The following MTSS1 variants were observed in gnomAD, a reference collection of about 807,000 sequenced individuals.
MTSS1 encodes the protein MTSS I-BAR domain containing 1, also known as protein MTSS 1.
Under a neutral mutation model 79.0 loss-of-function variants are expected in MTSS1, and 18 were observed. The ratio of observed to expected loss-of-function variants is 0.23; its 90% CI spans 0.16 to 0.34. MTSS1 has a LOEUF of 0.34. MTSS1 is among the 10% of genes least tolerant of loss of function. MTSS1 has a pLI of 1.00. For synonymous variants in MTSS1, 341 were observed against 368.6 expected, an observed-to-expected ratio of 0.93 and a Z score of 0.86; for missense variants, 815 against 986.2, an observed-to-expected ratio of 0.83 and a Z score of 2.33.
intron 3 of MTSS1, among the ~76,000 whole-genome samples, chr8:124,686,879 TG>T (rs1827073703): frequency 6.6e-6 from 1 of 152,198 alleles, no homozygotes; most frequent in African/African-American, 2.4e-5. Context: ...CAGAAACTTA[TG>T]TCTGGCACAC....
chr8:124,685,397 A>G lies in MTSS1; in HGVS notation c.208+14129T>C, dbSNP rs527931329. Among the ~76,000 whole-genome samples, 4 of 152,362 alleles carry G rather than the reference A, an allele frequency of 2.6e-5. No homozygotes were observed. In the South Asian group the frequency reaches 8.3e-4, roughly 32 times the overall value. On this transcript the variant is annotated intron_variant, in intron 3 of 13. Coordinates refer to ENST00000518547, the MANE Select transcript of MTSS1 (RefSeq NM_014751.6). Reference sequence around the variant, plus strand: ...TGTAATCCCAGCACTTTGGGAGGCCAAGGTGGGAGAATCTCCAGACCAGGG... The same window carrying G: ...TGTAATCCCAGCACTTTGGGAGGCCGAGGTGGGAGAATCTCCAGACCAGGG...
intron 3 of MTSS1, among the ~76,000 whole-genome samples, chr8:124,598,028 TCTGGAAGGCTGAGGCAGG>T (rs1833068177): frequency 6.6e-6 from 1 of 152,128 alleles, no homozygotes; most frequent in Admixed American, 6.5e-5. Flanking sequence ...ATCCCAACAC[TCTGGAAGGCTGAGGCAGG>T]AGGATCACTT....
intron 1 of MTSS1, 85 bp from the exon 2 acceptor site, chr8:124,704,276 C>G (rs1191592607): frequency 1.7e-6 from 2 of 1,170,162 alleles, no homozygotes; most frequent in Non-Finnish European, 1.3e-6. Flanking sequence ...TCCAATCATG[C>G]AGGGAACAAT....
At chr8:124,555,590 A>G in intron 13 of MTSS1, 152 bp downstream of exon 13, 5 of 1,001,634 alleles carry the variant, frequency 5.0e-6, no homozygotes, top group Middle Eastern at 6.5e-4. Context: ...ACTACAGATG[A>G]GCTCCCCAAA....
chr8:124,629,257 G>A (rs574538237), intron 3 of MTSS1, among the ~76,000 whole-genome samples: 1 of 152,094 alleles, frequency 6.6e-6, no homozygotes, highest in African/African-American at 2.4e-5. Context: ...GCTCACACCT[G>A]TAATCCCAGC....
chr8:124,636,697 G>C (rs2080191419), intron 3 of MTSS1, among the ~76,000 whole-genome samples: 1 of 152,212 alleles, frequency 6.6e-6, no homozygotes, highest in Admixed American at 6.5e-5. Flanking sequence ...AGCTGACCAA[G>C]AGTCTCAAAG....
intron 3 of MTSS1, among the ~76,000 whole-genome samples, chr8:124,610,192 A>C (rs775496934): frequency 1.3e-5 from 2 of 152,246 alleles, no homozygotes; most frequent in Non-Finnish European, 2.9e-5. Flanking sequence ...TTCTTCTTCC[A>C]TATTAGACAT....
intron 1 of MTSS1, among the ~76,000 whole-genome samples, chr8:124,706,669 A>T (rs1830430045): frequency 6.6e-6 from 1 of 152,222 alleles, no homozygotes; most frequent in Admixed American, 6.5e-5. Flanking sequence ...ACTGTCAACC[A>T]ACACCTGTGT....
intron 1 of MTSS1, among the ~76,000 whole-genome samples, chr8:124,705,249 C>T (rs1830229010): frequency 2.0e-5 from 3 of 152,104 alleles, no homozygotes; most frequent in Admixed American, 2.0e-4. Context: ...GGTGGGCAGA[C>T]ATCTTGAGGC....
At chr8:124,676,030 T>G (rs907706668) in intron 3 of MTSS1, among the ~76,000 whole-genome samples, 2 of 152,216 alleles carry the variant, frequency 1.3e-5, no homozygotes, top group Non-Finnish European at 2.9e-5. Flanking sequence ...GTCATATGAA[T>G]GGCATTTGAG....
intron 5 of MTSS1, among the ~76,000 whole-genome samples, chr8:124,589,107 T>C (rs375280329): frequency 2.1e-4 from 32 of 152,174 alleles, no homozygotes; most frequent in East Asian, 1.2e-3. Flanking sequence ...CTTGGCTCAC[T>C]GCAACCTCTG....
rs982816199 is a variant in MTSS1, at chr8:124,629,505, C to CAAAAA, written c.209-38275_209-38271dup. Among the ~76,000 whole-genome samples, 137 of 59,224 alleles carry CAAAAA rather than the reference C, an allele frequency of 2.3e-3. 1 individual carries two copies. Among genetic ancestry groups the CAAAAA allele is most frequent in the Middle Eastern group, 8.5e-3 (1 of 118 alleles). The allele number at this position is 59,224 out of a possible 152,430, so 38.9% of individuals were successfully genotyped here. The stretch of plus-strand genomic sequence containing the variant: ...CACTCCAGCCTGAATGACTCCGTCT[C>CAAAAA]AAAAAAAAAAAAAAAAAAAAAGAAA... On this transcript the variant is annotated intron_variant, in intron 3 of 13. Coordinates refer to ENST00000518547, the MANE Select transcript of MTSS1 (RefSeq NM_014751.6).
chr8:124,691,056 C>T (rs1827858427), intron 3 of MTSS1, among the ~76,000 whole-genome samples: 1 of 152,128 alleles, frequency 6.6e-6, no homozygotes, highest in African/African-American at 2.4e-5. Flanking sequence ...AATCGTAAGA[C>T]AAACTTCACA....
chr8:124,610,103 A>C (rs994730687), intron 3 of MTSS1, among the ~76,000 whole-genome samples: 6 of 152,218 alleles, frequency 3.9e-5, no homozygotes, highest in Non-Finnish European at 7.3e-5. Flanking sequence ...ATCAATCCTC[A>C]GCTTTTCTGC....
At chr8:124,705,292 G>A (rs1960234) in intron 1 of MTSS1, among the ~76,000 whole-genome samples, 29,887 of 151,882 alleles carry the variant, frequency 0.2, 3,199 homozygotes, top group South Asian at 0.24. Flanking sequence ...CCAACGTGGT[G>A]AATCCCCATC....
At chr8:124,700,138 C>CA (rs35425469) in intron 2 of MTSS1, among the ~76,000 whole-genome samples, 41,187 of 135,654 alleles carry the variant, frequency 0.3, 5,902 homozygotes, top group East Asian at 0.51. Flanking sequence ...GACTCTGCCT[C>CA]AAAAAAAAAA....
chr8:124,618,574 G>A (rs183046215), intron 3 of MTSS1, among the ~76,000 whole-genome samples: 44 of 152,258 alleles, frequency 2.9e-4, no homozygotes, highest in Admixed American at 1.9e-3. Flanking sequence ...TTATGACCTG[G>A]GACCAGGTTG....
At chr8:124,568,057 T>A in intron 7 of MTSS1, 1 of 985,288 alleles carries the variant, frequency 1.0e-6, no homozygotes, top group Non-Finnish European at 1.4e-6. Context: ...TTGGTGGGTC[T>A]GGGTTGGGCC....
intron 3 of MTSS1, among the ~76,000 whole-genome samples, chr8:124,611,381 G>A (rs1342159950): frequency 6.6e-6 from 1 of 152,168 alleles, no homozygotes; most frequent in African/African-American, 2.4e-5. Flanking sequence ...GCTGCTACAA[G>A]GAGCGGCGTG....
Sources: gnomAD v4.1 joint callset for allele counts (sites outside exome capture counted in the v4.1 genomes callset) on GRCh38, gnomAD v4.1.1 for gene constraint, MANE v1.5 for transcripts, NCBI Gene and HGNC (gene_info 2026-07-23, HGNC 2026-07-21) for gene names.